PLCB1: variants seen among roughly 807,000 people sequenced by gnomAD.
PLCB1 encodes the protein 1-phosphatidylinositol 4,5-bisphosphate phosphodiesterase beta-1.
PLCB1 carries 46 observed loss-of-function variants against 161.8 expected under a neutral mutation model. The ratio of observed to expected loss-of-function variants is 0.28; its 90% CI spans 0.22 to 0.36. PLCB1 has a LOEUF of 0.36. Ranked by LOEUF, PLCB1 falls within the 10% of genes least tolerant of loss-of-function variation. PLCB1 has a pLI of 1.00. For missense variants in PLCB1, 1,016 were observed against 1,472.5 expected (o/e 0.69, Z 5.07); for synonymous variants, 517 against 503.7 (o/e 1.03, Z -0.35).
intron 2 of PLCB1, among the ~76,000 whole-genome samples, chr20:8,347,286 A>G (rs1568641069): frequency 6.6e-6 from 1 of 152,248 alleles, no homozygotes; most frequent in Non-Finnish European, 1.5e-5. Flanking sequence ...TTTATAGTGG[A>G]AAAAATATGC....
chr20:8,540,202 T>C (rs1434211276), intron 3 of PLCB1, among the ~76,000 whole-genome samples: 1 of 152,246 alleles, frequency 6.6e-6, no homozygotes, highest in African/African-American at 2.4e-5. Flanking sequence ...TTTATTTATA[T>C]TGAAGTTCTC....
In PLCB1 at chr20:8,306,114, C is replaced by CTTCAAATGAAGTTTAA. The variant is rs372489229; in HGVS notation, c.178-65268_178-65267insTTCAAATGAAGTTTAA. 6.7e-3 allele frequency among the ~76,000 whole-genome samples: 1,021 copies of CTTCAAATGAAGTTTAA among 152,304 alleles called. 14 individuals are homozygous for CTTCAAATGAAGTTTAA. The highest frequency in any genetic ancestry group is 0.022 in the African/African-American group (924 of 41,564). The stretch of plus-strand genomic sequence containing the variant: ...ATGCATTTTTCATTTGAAGTTTAAA[C>CTTCAAATGAAGTTTAA]ACTCTCAGAGGATGTTTAGCCGATG... On this transcript the variant is annotated intron_variant, in intron 2 of 31. Coordinates refer to ENST00000338037, the MANE Select transcript of PLCB1 (RefSeq NM_015192.4).
rs142856664 is a variant in PLCB1 at position 8,163,724 on chromosome 20, G to T, written c.177+13353G>T. Among the ~76,000 whole-genome samples, 468 of 152,328 alleles carry T rather than the reference G, an allele frequency of 3.1e-3. 3 individuals are homozygous for T. Among genetic ancestry groups the T allele is most frequent in the Middle Eastern group, 0.031 (9 of 294 alleles). ...CATGGCCACATTTGGCTGGGGCAGT[G>T]CAGCAGCTGCCTGCTTTAGACAGGG... is the stretch of plus-strand genomic sequence containing the variant. On this transcript the variant is annotated intron_variant, in intron 2 of 31. Coordinates refer to ENST00000338037, the MANE Select transcript of PLCB1 (RefSeq NM_015192.4).
intron 29 of PLCB1, 100 bp from the exon 30 acceptor site, chr20:8,789,418 A>G: frequency 1.2e-6 from 1 of 800,314 alleles, no homozygotes; most frequent in Non-Finnish European, 2.2e-6. Context: ...AAAGAAAAAG[A>G]ATGTTGAGAG....
At chr20:8,165,014 T>C (rs2051661528) in intron 2 of PLCB1, among the ~76,000 whole-genome samples, 2 of 152,190 alleles carry the variant, frequency 1.3e-5, no homozygotes, top group African/African-American at 2.4e-5. Flanking sequence ...GCCCATAAAC[T>C]TGAAAGAGAA....
At chr20:8,794,743 A>G (rs1356013095) in intron 31 of PLCB1, among the ~76,000 whole-genome samples, 4 of 152,220 alleles carry the variant, frequency 2.6e-5, no homozygotes, top group Admixed American at 6.5e-5. Flanking sequence ...CTGAACCTTG[A>G]TCAACTTAGA....
At chr20:8,842,639 C>T (rs941113184) in intron 31 of PLCB1, among the ~76,000 whole-genome samples, 8 of 152,152 alleles carry the variant, frequency 5.3e-5, no homozygotes. Flanking sequence ...CCGGAGTGAG[C>T]AATTCCTGTC....
intron 3 of PLCB1, among the ~76,000 whole-genome samples, chr20:8,393,452 G>A (rs1484107755): frequency 1.3e-5 from 2 of 152,072 alleles, no homozygotes; most frequent in Non-Finnish European, 2.9e-5. Flanking sequence ...CAGGAGGATT[G>A]CTTGAGGCCA....
chr20:8,813,580 A>G (rs6056144), intron 31 of PLCB1, among the ~76,000 whole-genome samples: 4,024 of 152,228 alleles, frequency 0.026, 167 homozygotes, highest in African/African-American at 0.092. Context: ...CTATAATCCC[A>G]GCACTTTGGG....
At chr20:8,842,417 C>T (rs6086633) in intron 31 of PLCB1, among the ~76,000 whole-genome samples, 48,708 of 152,010 alleles carry the variant, frequency 0.32, 8,794 homozygotes, top group East Asian at 0.63. Context: ...TGCTTCATGG[C>T]AATGCAAAAT....
At chr20:8,757,255 A>G in intron 24 of PLCB1, 77 bp downstream of exon 24, 2 of 1,436,446 alleles carry the variant, frequency 1.4e-6, no homozygotes, top group Non-Finnish European at 1.9e-6. Context: ...AGGCGCTGTG[A>G]TGTGGGTAGC....
intron 3 of PLCB1, among the ~76,000 whole-genome samples, chr20:8,624,422 G>A (rs1178619271): frequency 6.6e-6 from 1 of 152,030 alleles, no homozygotes; most frequent in Non-Finnish European, 1.5e-5. Flanking sequence ...AAATCTAAAG[G>A]TCATGAAGAG....
intron 1 of PLCB1, among the ~76,000 whole-genome samples, chr20:8,143,854 C>A (rs1298107991): frequency 6.6e-6 from 1 of 152,192 alleles, no homozygotes; most frequent in African/African-American, 2.4e-5. Context: ...ACCATTAAAA[C>A]CATGTTTTCA....
chr20:8,266,926 CTACT>C (rs1981985958), intron 2 of PLCB1, among the ~76,000 whole-genome samples: 1 of 151,852 alleles, frequency 6.6e-6, no homozygotes, highest in African/African-American at 2.4e-5. Context: ...ATAATTCCAG[CTACT>C]TGGGATGCTG....
At chr20:8,186,636 T>G (rs6055615) in intron 2 of PLCB1, among the ~76,000 whole-genome samples, 58,068 of 151,944 alleles carry the variant, frequency 0.38, 12,682 homozygotes, top group African/African-American at 0.61. Context: ...GTTTCTCTAT[T>G]TGCCTGTGAT....
At chr20:8,534,218 C>A (rs1984950541) in intron 3 of PLCB1, among the ~76,000 whole-genome samples, 1 of 152,182 alleles carries the variant, frequency 6.6e-6, no homozygotes, top group Admixed American at 6.5e-5. Flanking sequence ...CACTCCTAGC[C>A]TCCCCAGCAG....
At chr20:8,440,696 G>A (rs1718874710) in intron 3 of PLCB1, among the ~76,000 whole-genome samples, 1 of 152,128 alleles carries the variant, frequency 6.6e-6, no homozygotes, top group Admixed American at 6.6e-5. Flanking sequence ...CAAAATTATA[G>A]CTAGATAGGA....
intron 7 of PLCB1, among the ~76,000 whole-genome samples, chr20:8,650,686 T>C (rs550875947): frequency 6.6e-6 from 1 of 152,270 alleles, no homozygotes; most frequent in South Asian, 2.1e-4. Context: ...GAAGCCGTTA[T>C]GTTTAGGAAG....
At chr20:8,634,652 A>T (rs1376180711) in intron 4 of PLCB1, among the ~76,000 whole-genome samples, 2 of 152,196 alleles carry the variant, frequency 1.3e-5, no homozygotes, top group East Asian at 3.8e-4. Context: ...GCCTTTTAAA[A>T]CAACAAACTC....
Sources: allele counts gnomAD v4.1 joint callset (sites outside exome capture counted in the v4.1 genomes callset), GRCh38; gene constraint gnomAD v4.1.1; transcripts MANE v1.5; gene names NCBI Gene and HGNC (gene_info 2026-07-23, HGNC 2026-07-21).